NLRP4: variants seen among roughly 807,000 people sequenced by gnomAD.
NLRP4 encodes the protein NACHT, LRR and PYD domains-containing protein 4.
NLRP4 carries 44 observed loss-of-function variants against 84.7 expected under a neutral mutation model. The observed-to-expected ratio is 0.52, with a 90% CI of 0.41 to 0.67. NLRP4 has a LOEUF of 0.67. NLRP4 is among the 30% of genes least tolerant of loss of function. NLRP4 has a pLI of 0.00. For missense variants in NLRP4, 1,260 were observed against 1,219.4 expected (o/e 1.03, Z -0.50); for synonymous variants, 544 against 476.4 (o/e 1.14, Z -1.85).
At chr19:55,841,551 T>C (rs931936151) in intron 1 of NLRP4, among the ~76,000 whole-genome samples, 2 of 152,176 alleles carry the variant, frequency 1.3e-5, no homozygotes, top group Non-Finnish European at 2.9e-5. Flanking sequence ...AGTTTGTTTC[T>C]ATATCTTGGT....
chr19:55,843,442 G>C (rs1193208279), intron 1 of NLRP4, among the ~76,000 whole-genome samples: 1 of 151,966 alleles, frequency 6.6e-6, no homozygotes. Flanking sequence ...TGTAATCCTA[G>C]CAGTTTGGGA....
In NLRP4 at chr19:55,858,224, C is replaced by G. The variant is rs372399474; in HGVS notation, c.831C>G (p.Ile277Met). ...TGCTCCCGGAGGCCTCCCTGCTCATCGCTATCAAACCCGTGTGCCCGAAGG... is the reference window on the plus strand; with the variant it reads ...TGCTCCCGGAGGCCTCCCTGCTCATGGCTATCAAACCCGTGTGCCCGAAGG... Reference protein sequence around the residue: ...KKMLPEASLLIAIKPVCPKEL... With the variant: ...KKMLPEASLLMAIKPVCPKEL... Residue 277 changes from isoleucine (I) to methionine (M), a missense_variant, in exon 3 of 10, where the codon ATC becomes ATG. This residue lies in a region of NLRP4 where 712 missense variants were observed against 669.2 expected (regional missense o/e 1.06). Coordinates refer to ENST00000301295, the MANE Select transcript of NLRP4 (RefSeq NM_134444.5). The surrounding 1 kb of genome is among the most constrained non-coding windows in gnomAD (Gnocchi z 4.2). 31 of 1,614,030 alleles carry G rather than the reference C, an allele frequency of 1.9e-5. No individual in the cohort carries two copies. Among genetic ancestry groups the G allele is most frequent in the Non-Finnish European group, 2.6e-5 (31 of 1,180,002 alleles).
At chr19:55,876,623 G>A (rs1014318041) in intron 7 of NLRP4, among the ~76,000 whole-genome samples, 16 of 152,048 alleles carry the variant, frequency 1.1e-4, no homozygotes, top group African/African-American at 3.6e-4. Flanking sequence ...TCAGCCTCCC[G>A]AACTGCTGGG....
Position 55,839,183 on chromosome 19 carries a change from TGTG to T in NLRP4, c.-66+2250_-66+2252del, listed in dbSNP as rs780998406. Among the ~76,000 whole-genome samples, 102 of 152,216 alleles carry T rather than the reference TGTG, an allele frequency of 6.7e-4. 1 individual carries two copies. The highest frequency in any genetic ancestry group is 8.8e-5 in the Non-Finnish European group (6 of 68,012). ...GAATGTTCCCCTCCCTGTGTCCGTT[TGTG>T]TTCTTATTGTTCAACTCACACTTCT... On this transcript the variant is annotated intron_variant, in intron 1 of 9. Transcript: ENST00000301295.
Position 55,868,491 on chromosome 19 carries a change from A to G in NLRP4, c.2354+615A>G, listed in dbSNP as rs144873461. Among the ~76,000 whole-genome samples, 13 of 144,622 alleles carry G rather than the reference A, an allele frequency of 9.0e-5. No individual in the cohort carries two copies. The East Asian group carries it at 2.7e-3, about 30-fold the overall frequency. 94.9% of individuals were successfully genotyped at this position (144,622 alleles called of 152,430 possible). Reference sequence around the variant, plus strand: ...AAGGGGAGAGGACAGGAGAATATATATGCATTTGTGTCTTTTTTTTTTTTT... The same window carrying G: ...AAGGGGAGAGGACAGGAGAATATATGTGCATTTGTGTCTTTTTTTTTTTTT... On this transcript the variant is annotated intron_variant, in intron 6 of 9. Transcript: ENST00000301295.
intron 7 of NLRP4, among the ~76,000 whole-genome samples, chr19:55,874,454 A>G (rs565515220): frequency 6.6e-6 from 1 of 152,294 alleles, no homozygotes; most frequent in East Asian, 1.9e-4. Flanking sequence ...GAATGGGAAA[A>G]GAAACATTAC....
chr19:55,858,928 A>T lies in NLRP4; in HGVS notation c.1535A>T (p.Gln512Leu), dbSNP rs775566939. 1.2e-6 allele frequency: 2 copies of T among 1,614,024 alleles called. No individual in the cohort carries two copies. The highest frequency in any genetic ancestry group is 1.7e-5 in the Admixed American group (1 of 60,004). ...ACTGGCCTTTTAAATAAAAAGGAACAAGAAAAACTGGATGCGTTTTTTGGC... is the reference window on the plus strand; with the variant it reads ...ACTGGCCTTTTAAATAAAAAGGAACTAGAAAAACTGGATGCGTTTTTTGGC... ...FLTGLLNKKE[Q>L]EKLDAFFGFQ... The change falls in exon 3 of 10, where the codon CAA becomes CTA. Residue 512 changes from glutamine to leucine, a missense_variant. By Grantham distance (113) the Gln-to-Leu change is moderately radical. Around this residue, in one of 3 missense-constraint regions of NLRP4, gnomAD observed 712 missense variants for 669.2 expected, o/e 1.06. Transcript: ENST00000301295. The surrounding 1 kb of genome is among the most constrained non-coding windows in gnomAD (Gnocchi z 4.2).
intron 1 of NLRP4, among the ~76,000 whole-genome samples, chr19:55,844,490 G>A (rs1983718552): frequency 6.6e-6 from 1 of 152,070 alleles, no homozygotes; most frequent in Admixed American, 6.5e-5. Flanking sequence ...TGGCCAGGCT[G>A]GTCTTGATCT....
In NLRP4 at chr19:55,870,849, G is replaced by A. The variant is rs569279993; in HGVS notation, c.2377G>A (p.Glu793Lys). Residue 793 changes from glutamate to lysine, a missense_variant, in exon 7 of 10, where the codon GAG becomes AAG. By Grantham distance (56) the Glu-to-Lys change is moderately conservative. Transcript: ENST00000301295. Reference sequence around the variant, plus strand: ...TAGGTTGGCTTTCTGCCACCTCAGCGAGCAGTGCTGCGAATACATCTCTGA... The same window carrying A: ...TAGGTTGGCTTTCTGCCACCTCAGCAAGCAGTGCTGCGAATACATCTCTGA... ...YLMLAFCHLS[E>K]QCCEYISEML... is the part of the protein sequence containing the mutation. The A allele has an allele frequency of 1.1e-5, 17 of 1,613,788 alleles. No individual in the cohort carries two copies. Among genetic ancestry groups the A allele is most frequent in the Middle Eastern group, 3.3e-4 (2 of 6,060 alleles).
chr19:55,838,452 C>CAG (rs1375443927), intron 1 of NLRP4, among the ~76,000 whole-genome samples: 1 of 152,020 alleles, frequency 6.6e-6, no homozygotes, highest in Non-Finnish European at 1.5e-5. Context: ...CCCTGGGTTT[C>CAG]AGAGAGAGCA....
intron 1 of NLRP4, among the ~76,000 whole-genome samples, chr19:55,847,163 C>T (rs7249907): frequency 6.6e-6 from 1 of 151,370 alleles, no homozygotes; most frequent in Non-Finnish European, 1.5e-5. Context: ...GAGGGGGGGG[C>T]AGCAACATTC....
At position 55,877,039 on chromosome 19, in the gene NLRP4, G is replaced by A. The variant is rs755927475; in HGVS notation, c.2569G>A (p.Ala857Thr). 2.6e-5 allele frequency: 42 copies of A among 1,613,848 alleles called. No individual in the cohort carries two copies. Among genetic ancestry groups the A allele is most frequent in the Admixed American group, 3.3e-5 (2 of 59,982 alleles). Residue 857 changes from alanine (A) to threonine (T), a missense_variant, in exon 8 of 10, where the codon GCC (alanine) becomes ACC (threonine). Coordinates refer to ENST00000301295, the MANE Select transcript of NLRP4 (RefSeq NM_134444.5). ...CACTGCTGCTGGCTGTGAAGACCTCGCCTCTGCTCTCATCAGCAATCAAAA... is the reference window on the plus strand; with the variant it reads ...CACTGCTGCTGGCTGTGAAGACCTCACCTCTGCTCTCATCAGCAATCAAAA... Reference protein sequence around the residue: ...FITAAGCEDLASALISNQNLK... With the variant: ...FITAAGCEDLTSALISNQNLK...
At position 55,869,879 on chromosome 19, in the gene NLRP4, A is replaced by G. The variant is rs551072002; in HGVS notation, c.2355-948A>G. Among the ~76,000 whole-genome samples, 9 of 152,230 alleles carry G rather than the reference A, an allele frequency of 5.9e-5. No individual in the cohort carries two copies. In the East Asian group the frequency reaches 1.7e-3, roughly 29 times the overall value. ...CAAGGCAGGTGAATTGTTTGAGCCC[A>G]GGAGTTCAAGACCAGCCTGGGCACC... is the stretch of plus-strand genomic sequence containing the variant. On this transcript the variant is annotated intron_variant, in intron 6 of 9. Transcript: ENST00000301295.
intron 1 of NLRP4, among the ~76,000 whole-genome samples, chr19:55,850,820 G>C (rs372710683): frequency 1.7e-5 from 2 of 115,442 alleles, no homozygotes; most frequent in South Asian, 2.7e-4. Flanking sequence ...CGAGGCTGCG[G>C]TGTAATGTCC....
chr19:55,866,721 T>C (rs1378172984), intron 5 of NLRP4, among the ~76,000 whole-genome samples: 2 of 152,152 alleles, frequency 1.3e-5, no homozygotes, highest in African/African-American at 4.8e-5. Flanking sequence ...AAAAAGAGCA[T>C]TCCACTTGGC....
chr19:55,849,981 TGTAATTTCCGAGACTGC>T lies in NLRP4; in HGVS notation c.-65-2033_-65-2017del, dbSNP rs1351660582. ...TGCGGTGTAATTTCCGTAGCTGCGGTGTAATTTCCGAGACTGCGGTGTGATTTCCGAGACTGCGGTGT... is the reference window on the plus strand; with the variant it reads ...TGCGGTGTAATTTCCGTAGCTGCGGTGGTGTGATTTCCGAGACTGCGGTGT... On this transcript the variant is annotated intron_variant, in intron 1 of 9. Transcript: ENST00000301295. Among the ~76,000 whole-genome samples the T allele has an allele frequency of 8.8e-4, 119 of 135,620 alleles. 7 individuals are homozygous for T. The East Asian group carries it at 0.026, about 30-fold the overall frequency. The allele number at this position is 135,620 out of a possible 152,430, so 89.0% of individuals were successfully genotyped here. A position where few individuals can be genotyped will look rare whatever the true frequency, so the allele number is the denominator to read the frequency against.
At chr19:55,879,358 G>C (rs189959250) in intron 9 of NLRP4, among the ~76,000 whole-genome samples, 2 of 152,170 alleles carry the variant, frequency 1.3e-5, no homozygotes, top group Non-Finnish European at 2.9e-5. Flanking sequence ...TGGATTGCCC[G>C]ATCCATGGTG....
intron 9 of NLRP4, among the ~76,000 whole-genome samples, chr19:55,880,753 G>T (rs988067663): frequency 6.6e-6 from 1 of 152,104 alleles, no homozygotes; most frequent in Admixed American, 6.5e-5. Context: ...ATGATACAAC[G>T]TATGGGGGCT....
chr19:55,880,580 C>A (rs887989673), intron 9 of NLRP4, among the ~76,000 whole-genome samples: 1 of 152,162 alleles, frequency 6.6e-6, no homozygotes, highest in Non-Finnish European at 1.5e-5. Flanking sequence ...TAGATAGTCT[C>A]ACAAAGATGT....
Sources: allele counts gnomAD v4.1 joint callset (sites outside exome capture counted in the v4.1 genomes callset), GRCh38; gene constraint gnomAD v4.1.1; regional missense constraint gnomAD v4.1.1; non-coding constraint Gnocchi (gnomAD v3.1); transcripts MANE v1.5; gene names NCBI Gene and HGNC (gene_info 2026-07-23, HGNC 2026-07-21).